The following RYR2 variants were observed in gnomAD, a reference collection of about 807,000 sequenced individuals.
RYR2 encodes ryanodine receptor 2.
In RYR2, 227 loss-of-function variants were observed where a neutral mutation model predicts 601.1. That is an observed-to-expected ratio of 0.38 (90% CI 0.34 to 0.42). The LOEUF is 0.42. Among genes scored for constraint, RYR2 ranks in the 10% least tolerant of loss-of-function variants. The probability of loss-of-function intolerance (pLI) is 1.00; values close to 1 mark genes in which losing one functional copy is unlikely to be tolerated. For missense variants in RYR2, 4,646 were observed against 6,156.5 expected, an observed-to-expected ratio of 0.75 and a Z score of 8.21; for synonymous variants, 2,223 against 2,175.1, an observed-to-expected ratio of 1.02 and a Z score of -0.61.
chr1:237,506,036 T>C (rs2997976), intron 22 of RYR2, among the ~76,000 whole-genome samples: 149,229 of 152,268 alleles, frequency 0.98, 73,213 homozygotes, highest in East Asian at 1. Context: ...TTGCCTTTAC[T>C]CTGGCTAATG....
chr1:237,511,985 A>G (rs564089940), intron 24 of RYR2, among the ~76,000 whole-genome samples, 194 bp downstream of exon 24: 15 of 152,098 alleles, frequency 9.9e-5, no homozygotes, highest in Non-Finnish European at 2.1e-4. Flanking sequence ...CTGTTAATTT[A>G]TGTCCTCTTG....
chr1:237,774,723 A>G lies in RYR2; in HGVS notation c.11775+1075A>G, dbSNP rs151122620. On this transcript the variant is annotated intron_variant, in intron 87 of 104. Transcript: ENST00000366574. ...CTTCCATTATTGCCTTAGTATTCTC[A>G]TGCATGCCTAGAATGATACCAGTAC... Among the ~76,000 whole-genome samples the G allele has an allele frequency of 4.2e-3, 635 of 152,268 alleles. 2 individuals are homozygous for G. Among genetic ancestry groups the G allele is most frequent in the Non-Finnish European group, 7.0e-3 (478 of 68,018 alleles).
intron 10 of RYR2, among the ~76,000 whole-genome samples, chr1:237,405,662 A>G (rs2149963472): frequency 6.6e-6 from 1 of 152,068 alleles, no homozygotes; most frequent in East Asian, 2.0e-4. Flanking sequence ...CTTTTCTTTT[A>G]CCTTTTATGA....
chr1:237,103,429 G>A (rs781015543), intron 1 of RYR2, among the ~76,000 whole-genome samples: 1 of 152,176 alleles, frequency 6.6e-6, no homozygotes, highest in African/African-American at 2.4e-5. Context: ...AGTAAGCAAC[G>A]TGAAGAACAG....
intron 33 of RYR2, among the ~76,000 whole-genome samples, chr1:237,595,091 C>G (rs1675740538): frequency 6.7e-6 from 1 of 148,866 alleles, no homozygotes; most frequent in African/African-American, 2.5e-5. Context: ...CATTTCAGAA[C>G]AAGTGGTAAA....
At chr1:237,264,757 G>A (rs774712279) in intron 1 of RYR2, among the ~76,000 whole-genome samples, 14 of 151,234 alleles carry the variant, frequency 9.3e-5, no homozygotes, top group African/African-American at 1.7e-4. Flanking sequence ...GTGTAGTGGC[G>A]TGATCTCGGC....
At chr1:237,178,454 G>C (rs935204619) in intron 1 of RYR2, among the ~76,000 whole-genome samples, 1 of 147,360 alleles carries the variant, frequency 6.8e-6, no homozygotes, top group Non-Finnish European at 1.5e-5. Context: ...GTGTGTGTGT[G>C]TGTGTGTGTG....
At chr1:237,776,360 T>C (rs1471737685) in intron 87 of RYR2, among the ~76,000 whole-genome samples, 1 of 152,204 alleles carries the variant, frequency 6.6e-6, no homozygotes, top group African/African-American at 2.4e-5. Flanking sequence ...TAAAATAACC[T>C]GATTCCTTCT....
At chr1:237,694,211 G>A (rs1573550050) in intron 63 of RYR2, among the ~76,000 whole-genome samples, 4 of 151,158 alleles carry the variant, frequency 2.6e-5, no homozygotes, top group African/African-American at 4.9e-5. Context: ...GGAGAATGGC[G>A]TGAACCCAGG....
chr1:237,327,802 C>A (rs948832274), intron 2 of RYR2, among the ~76,000 whole-genome samples: 3 of 152,132 alleles, frequency 2.0e-5, no homozygotes, highest in African/African-American at 7.2e-5. Flanking sequence ...TTATTCATAA[C>A]AACCCTATGA....
Position 237,578,004 on chromosome 1 carries a change from TG to T in RYR2, c.3598+8686del, listed in dbSNP as rs373274608. Among the ~76,000 whole-genome samples the T allele has an allele frequency of 5.6e-4, 85 of 152,240 alleles. 1 individual carries two copies. In the East Asian group the frequency reaches 0.015, roughly 26 times the overall value. On this transcript the variant is annotated intron_variant, in intron 29 of 104. Transcript: ENST00000366574. ...TTTTAATAGAGACGGGGTTTCACCA[TG>T]TTAGCCAGGCTGGTGGCTGGTCTTG...
chr1:237,689,240 T>C (rs1479516744), intron 63 of RYR2, among the ~76,000 whole-genome samples: 1 of 152,144 alleles, frequency 6.6e-6, no homozygotes, highest in East Asian at 1.9e-4. Flanking sequence ...TGTACTCTCA[T>C]CTAGGAAACA....
chr1:237,656,149 T>A (rs533982079), intron 53 of RYR2, among the ~76,000 whole-genome samples, 165 bp downstream of exon 53: 2 of 152,236 alleles, frequency 1.3e-5, no homozygotes, highest in South Asian at 4.2e-4. Context: ...ATAATAATAA[T>A]GATTATACTA....
chr1:237,273,366 T>G (rs560267145), intron 2 of RYR2, among the ~76,000 whole-genome samples: 39 of 152,332 alleles, frequency 2.6e-4, no homozygotes, highest in African/African-American at 9.4e-4. Flanking sequence ...GAAGCTTGCC[T>G]GCTGCTCACT....
chr1:237,599,207 C>A (rs1285671314), intron 34 of RYR2, among the ~76,000 whole-genome samples: 1 of 151,932 alleles, frequency 6.6e-6, no homozygotes, highest in Admixed American at 6.6e-5. Context: ...TTTCTAAGGT[C>A]TGGAACAAGA....
At chr1:237,744,719 T>TAAAAAA (rs10925505) in intron 80 of RYR2, among the ~76,000 whole-genome samples, 10 of 146,290 alleles carry the variant, frequency 6.8e-5, no homozygotes, top group Non-Finnish European at 9.0e-5. Context: ...CTTCTTTTTT[T>TAAAAAA]AAAAAAAAAA....
Position 237,617,343 on chromosome 1 carries a change from A to G in RYR2, c.5773A>G (p.Ile1925Val), listed in dbSNP as rs1678588295. 7 of 1,613,932 alleles carry G rather than the reference A, an allele frequency of 4.3e-6. No homozygotes were observed. Among genetic ancestry groups the G allele is most frequent in the Non-Finnish European group, 5.9e-6 (7 of 1,179,844 alleles). Residue 1925 changes from isoleucine to valine, a missense_variant, in exon 38 of 105, where the codon ATT (isoleucine) becomes GTT (valine). By Grantham distance (29) the Ile-to-Val change is conservative. This residue lies in a region of RYR2 where 1,807 missense variants were observed against 2,088.1 expected (regional missense o/e 0.87). Transcript: ENST00000366574. ...CCAGGTCCGGCACCGGATAGAAGCC[A>G]TTGTAGCCTTTTCAGATGATTTTGT... ...DCQVRHRIEA[I>V]VAFSDDFVAK...
At chr1:237,518,483 A>T (rs1666780609) in intron 24 of RYR2, among the ~76,000 whole-genome samples, 1 of 152,142 alleles carries the variant, frequency 6.6e-6, no homozygotes, top group African/African-American at 2.4e-5. Flanking sequence ...CATTTTTTTA[A>T]CACCCACTTG....
chr1:237,054,071 G>T (rs904981544), intron 1 of RYR2, among the ~76,000 whole-genome samples: 2 of 152,222 alleles, frequency 1.3e-5, no homozygotes, highest in Non-Finnish European at 2.9e-5. Context: ...GAGTTGCAAA[G>T]AGGTGAAATG....
Sources: gnomAD v4.1 joint callset for allele counts (sites outside exome capture counted in the v4.1 genomes callset) on GRCh38, gnomAD v4.1.1 for gene constraint, gnomAD v4.1.1 regional missense constraint, MANE v1.5 for transcripts, NCBI Gene and HGNC (gene_info 2026-07-23, HGNC 2026-07-21) for gene names.